Variants in TBCE observed in about 807,000 individuals in gnomAD.
TBCE encodes tubulin-specific chaperone E.
A neutral mutation model predicts 77.0 loss-of-function variants in TBCE; 53 were observed. The observed-to-expected ratio is 0.69, with a 90% CI of 0.55 to 0.87. TBCE has a LOEUF of 0.87. Ranked by LOEUF, TBCE falls within the 40% of genes least tolerant of loss-of-function variation. TBCE has a pLI of 0.00. For missense variants in TBCE, 624 were observed against 622.4 expected, an observed-to-expected ratio of 1.00 and a Z score of -0.03; for synonymous variants, 235 against 241.3, an observed-to-expected ratio of 0.97 and a Z score of 0.24.
At chr1:235,430,897 T>C in intron 7 of TBCE, 93 bp downstream of exon 7, 2 of 1,024,230 alleles carry the variant, frequency 2.0e-6, no homozygotes, top group South Asian at 1.4e-5. Flanking sequence ...ATAGTACAAC[T>C]GTGGCTTCAT....
Position 235,375,257 on chromosome 1 carries a change from A to G in TBCE, c.-31-4762A>G, listed in dbSNP as rs185290149. Among the ~76,000 whole-genome samples the G allele has an allele frequency of 7.6e-4, 115 of 152,196 alleles. 1 individual carries two copies. Among genetic ancestry groups the G allele is most frequent in the African/African-American group, 2.7e-3 (111 of 41,500 alleles). Reference sequence around the variant, plus strand: ...TTTCATCTTTTTAAAGAAGAATAACAAGAGTCACTCCAACATTTAAGTGGG... The same window carrying G: ...TTTCATCTTTTTAAAGAAGAATAACGAGAGTCACTCCAACATTTAAGTGGG... On this transcript the variant is annotated intron_variant, in intron 1 of 16. Coordinates refer to ENST00000642610, the MANE Select transcript of TBCE (RefSeq NM_003193.5).
intron 1 of TBCE, among the ~76,000 whole-genome samples, chr1:235,370,934 G>T (rs1228686721): frequency 3.4e-5 from 5 of 145,260 alleles, no homozygotes; most frequent in African/African-American, 5.1e-5. Flanking sequence ...TAGAAATGGG[G>T]TTTCACCATG....
In TBCE at chr1:235,429,416, T is replaced by C. The variant is rs1680958591; in HGVS notation, c.561-1289T>C. 3 of 152,190 alleles carry C rather than the reference T, an allele frequency of 2.0e-5. 1 individual carries two copies. Among genetic ancestry groups the C allele is most frequent in the South Asian group, 4.1e-4 (2 of 4,832 alleles). 9.4% of individuals were successfully genotyped at this position (152,190 alleles called of 1,614,324 possible). On this transcript the variant is annotated intron_variant, in intron 6 of 16. Coordinates refer to ENST00000642610, the MANE Select transcript of TBCE (RefSeq NM_003193.5). ...CAGGTGGGGATGAGTTAGATTTTCA[T>C]TGAACTGCAAGATCTTATTTTTAGC...
chr1:235,389,044 G>A (rs1678206750), intron 2 of TBCE, among the ~76,000 whole-genome samples: 1 of 152,138 alleles, frequency 6.6e-6, no homozygotes, highest in African/African-American at 2.4e-5. Context: ...CCATAAGAGG[G>A]CAGACAGTTG....
intron 5 of TBCE, among the ~76,000 whole-genome samples, chr1:235,423,016 T>A (rs16832599): frequency 0.067 from 10,193 of 152,276 alleles, 643 homozygotes; most frequent in African/African-American, 0.17. Flanking sequence ...TGATTGGTAT[T>A]TGCAGATACA....
intron 8 of TBCE, 61 bp from the exon 9 acceptor site, chr1:235,435,684 T>C: frequency 6.7e-7 from 1 of 1,486,596 alleles, no homozygotes. Flanking sequence ...ATTTTAAGGC[T>C]GTATCTTTGA....
At chr1:235,439,218 G>T (rs548184069) in intron 13 of TBCE, among the ~76,000 whole-genome samples, 2 of 151,988 alleles carry the variant, frequency 1.3e-5, no homozygotes, top group African/African-American at 2.4e-5. Context: ...TTGGCCGGGC[G>T]CGGTGGCTCA....
intron 2 of TBCE, among the ~76,000 whole-genome samples, chr1:235,398,976 CAG>C (rs1227936562): frequency 6.7e-6 from 1 of 149,922 alleles, no homozygotes; most frequent in Non-Finnish European, 1.5e-5. Flanking sequence ...TTTTTTGAGA[CAG>C]AGTCTCCCTC....
intron 8 of TBCE, 53 bp from the exon 9 acceptor site, chr1:235,435,692 T>G (rs1681403496): frequency 6.5e-7 from 1 of 1,527,688 alleles, no homozygotes; most frequent in Non-Finnish European, 9.1e-7. Flanking sequence ...GCTGTATCTT[T>G]GAAAACAATT....
Position 235,374,692 on chromosome 1 carries a change from G to A in TBCE, c.-31-5327G>A, listed in dbSNP as rs1677181482. ...ATTTTTGTATTTTTAGTAGAGACGG[G>A]GTTTCACCATGTTGGCCAGGCTGGT... On this transcript the variant is annotated intron_variant, in intron 1 of 16. Transcript: ENST00000642610. Among the ~76,000 whole-genome samples, 2 of 143,100 alleles carry A rather than the reference G, an allele frequency of 1.4e-5. 1 individual carries two copies. Among genetic ancestry groups the A allele is most frequent in the Non-Finnish European group, 3.0e-5 (2 of 65,998 alleles). The allele number at this position is 143,100 out of a possible 152,430, so 93.9% of individuals were successfully genotyped here.
intron 1 of TBCE, among the ~76,000 whole-genome samples, chr1:235,376,634 C>T (rs921949217): frequency 6.6e-6 from 1 of 152,110 alleles, no homozygotes; most frequent in Non-Finnish European, 1.5e-5. Context: ...CTTACTAAAA[C>T]ATAAATTCCC....
intron 6 of TBCE, 81 bp from the exon 7 acceptor site, chr1:235,430,624 C>G (rs1681031782): frequency 1.0e-6 from 1 of 977,166 alleles, no homozygotes; most frequent in Non-Finnish European, 1.6e-6. Context: ...AGATTAAAAC[C>G]CAGATTGTTG....
chr1:235,436,956 T>TACTA (rs796368434), intron 11 of TBCE, among the ~76,000 whole-genome samples: 9 of 131,292 alleles, frequency 6.9e-5, no homozygotes, highest in African/African-American at 2.5e-4. Flanking sequence ...CCATCTCTAC[T>TACTA]AAAAAAAAAA....
chr1:235,448,475 A>G (rs761997162), intron 16 of TBCE, 35 bp downstream of exon 16: 1 of 1,588,950 alleles, frequency 6.3e-7, no homozygotes, highest in Non-Finnish European at 8.6e-7. Flanking sequence ...GTCAAAGTCA[A>G]GCTTAGTCCT....
chr1:235,396,128 C>T (rs1178580461), intron 2 of TBCE, among the ~76,000 whole-genome samples: 1 of 151,612 alleles, frequency 6.6e-6, no homozygotes, highest in African/African-American at 2.4e-5. Context: ...GGAGCGATCT[C>T]GGCTCACTGC....
intron 5 of TBCE, 52 bp downstream of exon 5, chr1:235,419,613 C>T: frequency 6.2e-7 from 1 of 1,609,546 alleles, no homozygotes; most frequent in Non-Finnish European, 8.5e-7. Flanking sequence ...GGATTTTATA[C>T]CTGTGCCAGA....
chr1:235,394,297 A>G (rs1678590730), intron 2 of TBCE, among the ~76,000 whole-genome samples: 1 of 151,582 alleles, frequency 6.6e-6, no homozygotes, highest in South Asian at 2.1e-4. Context: ...GATAGTCTCG[A>G]TCTCCTGACC....
At chr1:235,372,437 A>G (rs1558340942) in intron 1 of TBCE, among the ~76,000 whole-genome samples, 1 of 152,208 alleles carries the variant, frequency 6.6e-6, no homozygotes, top group African/African-American at 2.4e-5. Flanking sequence ...ATATTTTAAA[A>G]ATCAAAGCTG....
rs1257771704 is a variant in TBCE at position 235,451,408 on chromosome 1, A to G, written c.*2646A>G. The G allele has an allele frequency of 2.6e-5, 4 of 151,272 alleles. No homozygotes were observed. Among genetic ancestry groups the G allele is most frequent in the African/African-American group, 9.7e-5 (4 of 41,150 alleles). 9.4% of individuals were successfully genotyped at this position (151,272 alleles called of 1,614,324 possible). On this transcript the variant is annotated 3_prime_UTR_variant, in exon 17 of 17. Coordinates refer to ENST00000642610, the MANE Select transcript of TBCE (RefSeq NM_003193.5). ...ATGGCAGAAAAAAATGTAAATATGTAAATCCTCTCTGTAGGAATGCATTTT... is the reference window on the plus strand; with the variant it reads ...ATGGCAGAAAAAAATGTAAATATGTGAATCCTCTCTGTAGGAATGCATTTT...
Sources: gnomAD v4.1 joint callset for allele counts (sites outside exome capture counted in the v4.1 genomes callset) on GRCh38, gnomAD v4.1.1 for gene constraint, MANE v1.5 for transcripts, NCBI Gene and HGNC (gene_info 2026-07-23, HGNC 2026-07-21) for gene names.